Variants in SIGLEC12 observed in about 807,000 individuals in gnomAD.
SIGLEC12 encodes the protein sialic acid binding Ig like lectin 12, also known as sialic acid-binding Ig-like lectin 12.
In SIGLEC12, 43 loss-of-function variants were observed where a neutral mutation model predicts 54.1. The ratio of observed to expected loss-of-function variants is 0.80; its 90% confidence interval spans 0.62 to 1.03. The LOEUF is 1.03. SIGLEC12 is among the 50% of genes least tolerant of loss of function. SIGLEC12 has a pLI of 0.00. For synonymous variants in SIGLEC12, 357 were observed against 307.6 expected, an observed-to-expected ratio of 1.16 and a Z score of -1.68; for missense variants, 802 against 735.2, an observed-to-expected ratio of 1.09 and a Z score of -1.05.
In SIGLEC12 at chr19:51,491,651, A is replaced by ATGT. The variant is rs776264202; in HGVS notation, c.1775_1777dup (p.Asn592dup). 11 of 1,612,862 alleles carry ATGT rather than the reference A, an allele frequency of 6.8e-6. No individual in the cohort carries two copies. The East Asian group carries it at 2.2e-4, about 33-fold the overall frequency. ...AGTCTCTGCAGTTTCTCACTTGGGG[A>ATGT]TGTTGATCTCGGAGTACTCATAGCC... On this transcript the variant is annotated inframe_insertion, in exon 8 of 8. Coordinates refer to ENST00000291707, the MANE Select transcript of SIGLEC12 (RefSeq NM_053003.4).
At chr19:51,500,509 C>G in intron 1 of SIGLEC12, 1 of 783,692 alleles carries the variant, frequency 1.3e-6, no homozygotes, top group South Asian at 1.7e-5. Flanking sequence ...AAACTGCAAA[C>G]CCACATGCTA....
chr19:51,497,819 C>T (rs1422470822), intron 5 of SIGLEC12, among the ~76,000 whole-genome samples, 199 bp downstream of exon 5: 1 of 152,208 alleles, frequency 6.6e-6, no homozygotes, highest in Non-Finnish European at 1.5e-5. Flanking sequence ...AAGCAAGGCC[C>T]TTGTATCCCC....
chr19:51,497,084 G>A (rs897438668), intron 6 of SIGLEC12, 108 bp from the exon 7 acceptor site: 6 of 1,560,680 alleles, frequency 3.8e-6, no homozygotes, highest in Non-Finnish European at 5.3e-6. Flanking sequence ...GGTAACTGAG[G>A]CGGGAGGGGA....
At chr19:51,500,559 A>G (rs533790406) in intron 1 of SIGLEC12, among the ~76,000 whole-genome samples, 4 of 152,224 alleles carry the variant, frequency 2.6e-5, no homozygotes, top group South Asian at 4.1e-4. Context: ...AGGAAACCCT[A>G]AAGCTCAGAG....
At position 51,499,705 on chromosome 19, in the gene SIGLEC12, T is replaced by A; in HGVS notation, c.820A>T (p.Met274Leu). The A allele has an allele frequency of 6.2e-7, 1 of 1,613,932 alleles. No individual in the cohort carries two copies. Among genetic ancestry groups the A allele is most frequent in the Non-Finnish European group, 8.5e-7 (1 of 1,179,938 alleles). Residue 274 changes from methionine (M) to leucine (L), a missense_variant, in exon 3 of 8, where the codon ATG (methionine) becomes TTG (leucine). By Grantham distance (15) the Met-to-Leu change is conservative. Coordinates refer to ENST00000291707, the MANE Select transcript of SIGLEC12 (RefSeq NM_053003.4). ...LSVHVTALTH[M>L]PTFSIPGTLE... Reference sequence around the variant, plus strand: ...GTCCCCGGGATGGAGAAGGTGGGCATGTGAGTCAGGGCTGGTGATGAAAGG... The same window carrying A: ...GTCCCCGGGATGGAGAAGGTGGGCAAGTGAGTCAGGGCTGGTGATGAAAGG...
rs28756785 is a variant in SIGLEC12 at position 51,491,492 on chromosome 19, C to T, written c.*149G>A. On this transcript the variant is annotated 3_prime_UTR_variant, in exon 8 of 8. Coordinates refer to ENST00000291707, the MANE Select transcript of SIGLEC12 (RefSeq NM_053003.4). ...ATGGAGAAAGGGAGAGTTTGGTCAT[C>T]AGGCACGCATTTTCAGTTTGACAAG... 0.11 allele frequency: 81,951 copies of T among 745,784 alleles called. 5,805 individuals are homozygous for T. Among genetic ancestry groups the T allele is most frequent in the African/African-American group, 0.27 (15,200 of 55,810 alleles). The allele number at this position is 745,784 out of a possible 1,614,324, so 46.2% of individuals were successfully genotyped here.
In SIGLEC12 at chr19:51,500,145, C is replaced by T. The variant is rs1264677887; in HGVS notation, c.583G>A (p.Ala195Thr). ...PVYGSWFKEG[A>T]DIPWDIPVAT... is the part of the protein sequence containing the mutation. ...ACTGGAATATCCCATGGTATATCGG[C>T]CCCTTCCTTGAACCAGGATCCATAA... is the stretch of plus-strand genomic sequence containing the variant. Residue 195 changes from alanine to threonine, a missense_variant, in exon 2 of 8, where the codon GCC (alanine) becomes ACC (threonine). Coordinates refer to ENST00000291707, the MANE Select transcript of SIGLEC12 (RefSeq NM_053003.4). The T allele has an allele frequency of 5.6e-6, 9 of 1,614,144 alleles. No homozygotes were observed. The highest frequency in any genetic ancestry group is 6.8e-6 in the Non-Finnish European group (8 of 1,180,024).
At chr19:51,499,884 C>T in intron 2 of SIGLEC12, 36 bp downstream of exon 2, 1 of 1,578,430 alleles carries the variant, frequency 6.3e-7, no homozygotes, top group South Asian at 1.2e-5. Context: ...GCCCTCGGGC[C>T]TTCCCCTCTG....
At chr19:51,494,144 T>C (rs950994313) in intron 7 of SIGLEC12, among the ~76,000 whole-genome samples, 1 of 152,210 alleles carries the variant, frequency 6.6e-6, no homozygotes, top group African/African-American at 2.4e-5. Flanking sequence ...CCTTCATTCC[T>C]GTGCTCAAAC....
intron 7 of SIGLEC12, among the ~76,000 whole-genome samples, chr19:51,495,947 C>T (rs1161676413): frequency 1.3e-5 from 2 of 152,080 alleles, no homozygotes; most frequent in East Asian, 1.9e-4. Context: ...GGAGGAACAG[C>T]CAATGTGAAG....
intron 1 of SIGLEC12, 63 bp from the exon 2 acceptor site, chr19:51,500,363 GGCA>G (rs1404720871): frequency 1.2e-6 from 2 of 1,613,316 alleles, no homozygotes; most frequent in Non-Finnish European, 1.7e-6. Flanking sequence ...CCATAGCAGG[GGCA>G]GCAGCATCTC....
chr19:51,495,491 G>A (rs536575440), intron 7 of SIGLEC12, among the ~76,000 whole-genome samples: 14 of 152,068 alleles, frequency 9.2e-5, no homozygotes, highest in African/African-American at 3.1e-4. Context: ...ACGGACAGAC[G>A]GACAGATGGA....
intron 2 of SIGLEC12, 65 bp downstream of exon 2, chr19:51,499,855 A>G: frequency 6.4e-7 from 1 of 1,553,666 alleles, no homozygotes; most frequent in Non-Finnish European, 8.7e-7. Flanking sequence ...TGGGGGTCCC[A>G]CCTCAGCCCT....
At chr19:51,496,817 C>T (rs1990251004) in intron 7 of SIGLEC12, 63 bp downstream of exon 7, 2 of 1,550,134 alleles carry the variant, frequency 1.3e-6, no homozygotes, top group Non-Finnish European at 8.9e-7. Flanking sequence ...AGGAAGTAAT[C>T]CCCTTCCATG....
chr19:51,491,980 TACTC>T (rs1990116314), intron 7 of SIGLEC12, 151 bp from the exon 8 acceptor site: 1 of 545,302 alleles, frequency 1.8e-6, no homozygotes, highest in East Asian at 3.2e-5. Flanking sequence ...TAATGTCTAA[TACTC>T]AATTATCACC....
In SIGLEC12 at chr19:51,501,295, C is replaced by T. The variant is rs372385413; in HGVS notation, c.427+12G>A. 1 of 1,613,336 alleles carries T rather than the reference C, an allele frequency of 6.2e-7. No individual in the cohort carries two copies. The highest frequency in any genetic ancestry group is 1.3e-5 in the African/African-American group (1 of 74,898). On this transcript the variant is annotated intron_variant, in intron 1 of 7. Transcript: ENST00000291707. ...CATTTGCCTTTGGCCTCTCTTGGAGCCCGTGCCTTACCTGTCACATTCACA... is the reference window on the plus strand; with the variant it reads ...CATTTGCCTTTGGCCTCTCTTGGAGTCCGTGCCTTACCTGTCACATTCACA...
chr19:51,500,416 A>T (rs1555776823), intron 1 of SIGLEC12, 116 bp from the exon 2 acceptor site: 1 of 1,577,546 alleles, frequency 6.3e-7, no homozygotes, highest in Non-Finnish European at 8.6e-7. Context: ...TGAGCAGAGA[A>T]GGGGGAGGGA....
At chr19:51,498,490 A>G (rs1192964979) in intron 4 of SIGLEC12, among the ~76,000 whole-genome samples, 5 of 152,250 alleles carry the variant, frequency 3.3e-5, no homozygotes, top group Non-Finnish European at 5.9e-5. Flanking sequence ...AAAATCAGAA[A>G]GACATATGAC....
rs1568533191 is a variant in SIGLEC12, at chr19:51,501,616, C to CA, written c.117dup (p.Val40CysfsTer76). 1 of 1,614,130 alleles carries CA rather than the reference C, an allele frequency of 6.2e-7. No homozygotes were observed. Among genetic ancestry groups the CA allele is most frequent in the South Asian group, 1.1e-5 (1 of 91,086 alleles). On this transcript the variant is annotated frameshift_variant, in exon 1 of 8. Transcript: ENST00000291707. LOFTEE classifies it high-confidence loss of function. ...TAGGAGAAGGAGCAAAGCACAGAGA[C>CA]ACACAGGCCCTCCTGCACCGTCACG...
Sources: gnomAD v4.1 joint callset for allele counts (sites outside exome capture counted in the v4.1 genomes callset) on GRCh38, gnomAD v4.1.1 for gene constraint, MANE v1.5 for transcripts, NCBI Gene and HGNC (gene_info 2026-07-23, HGNC 2026-07-21) for gene names.